ATP6V0A2: variants seen among roughly 807,000 people sequenced by gnomAD.
ATP6V0A2 encodes V-type proton ATPase 116 kDa subunit a 2.
ATP6V0A2 carries 58 observed loss-of-function variants against 104.4 expected under a neutral mutation model. The observed-to-expected ratio is 0.56, with a 90% CI of 0.45 to 0.69. The LOEUF is 0.69. Among genes scored for constraint, ATP6V0A2 ranks in the 30% least tolerant of loss-of-function variants. The probability of loss-of-function intolerance (pLI) is 0.00; values close to 1 mark genes in which losing one functional copy is unlikely to be tolerated. For synonymous variants in ATP6V0A2, 376 were observed against 397.9 expected (o/e 0.95, Z 0.65); for missense variants, 938 against 1,062.9 (o/e 0.88, Z 1.63).
intron 7 of ATP6V0A2, 145 bp downstream of exon 7, chr12:123,734,153 A>G: frequency 1.6e-6 from 1 of 643,708 alleles, no homozygotes; most frequent in Non-Finnish European, 2.7e-6. Flanking sequence ...GTTCTTAAAC[A>G]TTTAATTTGT....
rs1438082164 is a variant in ATP6V0A2 at position 123,736,728 on chromosome 12, A to G, written c.826-331A>G. On this transcript the variant is annotated intron_variant, in intron 8 of 19. Transcript: ENST00000330342. ...CAAGCTTGGGAATGGGTAGGAACCC[A>G]GGGAGCTTGCTGGATCCTGGTAGGC... Among the ~76,000 whole-genome samples the G allele has an allele frequency of 2.6e-5, 4 of 152,170 alleles. No homozygotes were observed. The South Asian group carries it at 6.2e-4, about 24-fold the overall frequency.
At chr12:123,723,535 A>T (rs901060092) in intron 3 of ATP6V0A2, 1 of 149,416 alleles carries the variant, frequency 6.7e-6, no homozygotes, top group African/African-American at 2.5e-5. Context: ...ATCTCGGCTC[A>T]CTGCAGCCTG....
Position 123,726,299 on chromosome 12 carries a change from C to G in ATP6V0A2, c.521+14C>G, listed in dbSNP as rs747194853. ...AGCAAAACTGGGGTAGGTGACAAGG[C>G]CTGGGGTGTCAGGCTTCATACTGCC... On this transcript the variant is annotated intron_variant, in intron 5 of 19. Transcript: ENST00000330342. 5 of 1,599,790 alleles carry G rather than the reference C, an allele frequency of 3.1e-6. No homozygotes were observed. Among genetic ancestry groups the G allele is most frequent in the Non-Finnish European group, 4.3e-6 (5 of 1,167,048 alleles).
chr12:123,755,346 T>G (rs532309498), intron 18 of ATP6V0A2, among the ~76,000 whole-genome samples: 186 of 152,162 alleles, frequency 1.2e-3, no homozygotes, highest in African/African-American at 4.4e-3. Flanking sequence ...GACACCAGTC[T>G]GACCAGCATG....
chr12:123,751,828 ATTTTCTT>A (rs1174580541), intron 16 of ATP6V0A2, among the ~76,000 whole-genome samples: 1 of 143,108 alleles, frequency 7.0e-6, no homozygotes, highest in East Asian at 2.1e-4. Flanking sequence ...CTTCTTTAAG[ATTTTCTT>A]TTTTCTTTTC....
intron 18 of ATP6V0A2, 167 bp downstream of exon 18, chr12:123,754,704 T>A (rs959514670): frequency 1.6e-6 from 1 of 613,006 alleles, no homozygotes; most frequent in Non-Finnish European, 2.9e-6. Flanking sequence ...CTTGGCTATT[T>A]CTTTTGGCTG....
intron 13 of ATP6V0A2, among the ~76,000 whole-genome samples, chr12:123,745,693 G>T (rs988493043): frequency 2.8e-5 from 4 of 144,824 alleles, no homozygotes; most frequent in Non-Finnish European, 6.0e-5. Context: ...GCAACGGAGC[G>T]AGAGACTCTG....
chr12:123,712,436 C>T lies in ATP6V0A2; in HGVS notation c.-130C>T. ...GGGCGGCCGCTGCAGTCTGGAGCCC[C>T]ATAGTGCGGGGCCGCGGCCAGGCCA... On this transcript the variant is annotated 5_prime_UTR_variant, in exon 1 of 20. Transcript: ENST00000330342. The T allele has an allele frequency of 2.0e-6, 1 of 512,806 alleles. No individual in the cohort carries two copies. The highest frequency in any genetic ancestry group is 3.2e-6 in the Non-Finnish European group (1 of 312,800). 31.8% of individuals were successfully genotyped at this position (512,806 alleles called of 1,614,324 possible).
At chr12:123,729,926 T>C (rs1420245190) in intron 6 of ATP6V0A2, among the ~76,000 whole-genome samples, 1 of 152,028 alleles carries the variant, frequency 6.6e-6, no homozygotes, top group Non-Finnish European at 1.5e-5. Context: ...GCAATTCTCC[T>C]GTCTCAGCCT....
In ATP6V0A2 at chr12:123,752,373, G is replaced by C. The variant is rs1462135626; in HGVS notation, c.2146G>C (p.Asp716His). The C allele has an allele frequency of 6.2e-7, 1 of 1,614,156 alleles. No individual in the cohort carries two copies. The change falls in exon 17 of 20, where the codon GAT becomes CAT. Residue 716 changes from aspartate (D) to histidine (H), a missense_variant. Transcript: ENST00000330342. Reference sequence around the variant, plus strand: ...AGAAGAGGGAAATCACCAGGTGGAAGATGGATGTAGAGAAATGGCGTGTGA... The same window carrying C: ...AGAAGAGGGAAATCACCAGGTGGAACATGGATGTAGAGAAATGGCGTGTGA... The part of the protein sequence containing the change: ...DIEEGNHQVE[D>H]GCREMACEEF...
intron 1 of ATP6V0A2, 110 bp from the exon 2 acceptor site, chr12:123,718,513 A>G: frequency 1.4e-6 from 1 of 722,484 alleles, no homozygotes; most frequent in Non-Finnish European, 2.3e-6. Flanking sequence ...AGTTTCATTC[A>G]ATAGTATACA....
intron 15 of ATP6V0A2, among the ~76,000 whole-genome samples, 175 bp downstream of exon 15, chr12:123,748,960 A>C (rs2135914958): frequency 6.6e-6 from 1 of 152,310 alleles, no homozygotes; most frequent in East Asian, 1.9e-4. Flanking sequence ...TGCAGGCAGC[A>C]TGACCAAACT....
rs768338189 is a variant in ATP6V0A2, at chr12:123,747,768, T to G, written c.1724+43T>G. On this transcript the variant is annotated intron_variant, in intron 14 of 19. Coordinates refer to ENST00000330342, the MANE Select transcript of ATP6V0A2 (RefSeq NM_012463.4). ...TTTAAGCAATATTTATAAACCAAACTTGGCATTTCTTCAATTTTGCTTCTT... is the reference window on the plus strand; with the variant it reads ...TTTAAGCAATATTTATAAACCAAACGTGGCATTTCTTCAATTTTGCTTCTT... 20 of 1,324,652 alleles carry G rather than the reference T, an allele frequency of 1.5e-5. No individual in the cohort carries two copies. In the South Asian group the frequency reaches 2.1e-4, roughly 14 times the overall value. The allele number at this position is 1,324,652 out of a possible 1,614,324, so 82.1% of individuals were successfully genotyped here. A position where few individuals can be genotyped will look rare whatever the true frequency, so the allele number is the denominator to read the frequency against.
At chr12:123,736,965 A>G (rs1956560157) in intron 8 of ATP6V0A2, 94 bp from the exon 9 acceptor site, 1 of 1,231,934 alleles carries the variant, frequency 8.1e-7, no homozygotes, top group East Asian at 2.3e-5. Flanking sequence ...TCCTCTGTCA[A>G]TGGGGAGAAA....
chr12:123,735,142 CGTGTGT>C (rs56266144), intron 7 of ATP6V0A2, among the ~76,000 whole-genome samples: 3 of 148,392 alleles, frequency 2.0e-5, no homozygotes, highest in Non-Finnish European at 4.5e-5. Flanking sequence ...CTTTTGTTTT[CGTGTGT>C]GTGTGTGTGT....
chr12:123,739,690 A>G (rs1956589824), intron 9 of ATP6V0A2, among the ~76,000 whole-genome samples: 1 of 152,160 alleles, frequency 6.6e-6, no homozygotes, highest in African/African-American at 2.4e-5. Context: ...TGCAAGAATC[A>G]TATTCTCTGA....
In ATP6V0A2 at chr12:123,712,598, C is replaced by T. The variant is rs1485624455; in HGVS notation, c.33C>T (p.Cys11=). ...CCCTGTTCCGGAGCGAGACCATGTGCCTGGCGCAGCTCTTCCTGCAGTCGG... is the reference window on the plus strand; with the variant it reads ...CCCTGTTCCGGAGCGAGACCATGTGTCTGGCGCAGCTCTTCCTGCAGTCGG... MGSLFRSETM[C]LAQLFLQSGT... Residue 11 remains cysteine, a synonymous_variant, in exon 1 of 20, where the codon TGC becomes TGT. Coordinates refer to ENST00000330342, the MANE Select transcript of ATP6V0A2 (RefSeq NM_012463.4). 2.5e-6 allele frequency: 4 copies of T among 1,602,086 alleles called. No homozygotes were observed. The highest frequency in any genetic ancestry group is 2.7e-5 in the African/African-American group (2 of 74,684).
At chr12:123,741,984 T>C (rs923234840) in intron 9 of ATP6V0A2, among the ~76,000 whole-genome samples, 1 of 152,200 alleles carries the variant, frequency 6.6e-6, no homozygotes, top group African/African-American at 2.4e-5. Context: ...TGTGTCTCTC[T>C]TGTGAACTCC....
chr12:123,727,872 A>T lies in ATP6V0A2; in HGVS notation c.611A>T (p.Tyr204Phe). The T allele has an allele frequency of 6.2e-7, 1 of 1,614,228 alleles. No individual in the cohort carries two copies. Among genetic ancestry groups the T allele is most frequent in the Non-Finnish European group, 8.5e-7 (1 of 1,180,028 alleles). ...RVCKGYTIVS[Y>F]AELDESLEDP... ...TGCAAAGGGTACACCATCGTGTCCTATGCAGAACTGGATGAATCCCTTGAA... is the reference window on the plus strand; with the variant it reads ...TGCAAAGGGTACACCATCGTGTCCTTTGCAGAACTGGATGAATCCCTTGAA... The change falls in exon 6 of 20, where the codon TAT (tyrosine) becomes TTT (phenylalanine). Residue 204 changes from tyrosine (Y) to phenylalanine (F), a missense_variant. By Grantham distance (22) the Tyr-to-Phe change is conservative. Coordinates refer to ENST00000330342, the MANE Select transcript of ATP6V0A2 (RefSeq NM_012463.4).
Sources: gnomAD v4.1 joint callset for allele counts (sites outside exome capture counted in the v4.1 genomes callset) on GRCh38, gnomAD v4.1.1 for gene constraint, MANE v1.5 for transcripts, NCBI Gene and HGNC (gene_info 2026-07-23, HGNC 2026-07-21) for gene names.